Variants in CUX2 observed in about 807,000 individuals in gnomAD.
The protein encoded by CUX2 is homeobox protein cut-like 2.
In CUX2, 40 loss-of-function variants were observed where a neutral mutation model predicts 144.8. That is an observed-to-expected ratio of 0.28 (90% CI 0.21 to 0.36). The LOEUF (loss-of-function observed/expected upper bound fraction) is 0.36, where lower values mean the gene tolerates loss of function less well. CUX2 is among the 10% of genes least tolerant of loss of function. The pLI is 1.00. For missense variants in CUX2, 1,615 were observed against 1,994.0 expected, an observed-to-expected ratio of 0.81 and a Z score of 3.62; for synonymous variants, 827 against 875.6, an observed-to-expected ratio of 0.94 and a Z score of 0.98.
intron 1 of CUX2, among the ~76,000 whole-genome samples, chr12:111,145,247 C>T (rs1876592912): frequency 6.6e-6 from 1 of 152,214 alleles, no homozygotes; most frequent in African/African-American, 2.4e-5. Flanking sequence ...TCTGTCCAAA[C>T]CCCCTCTATC....
intron 1 of CUX2, among the ~76,000 whole-genome samples, chr12:111,047,601 G>A (rs1870060897): frequency 6.6e-6 from 1 of 152,116 alleles, no homozygotes; most frequent in African/African-American, 2.4e-5. Context: ...TGCAGCTGAG[G>A]CTACTGAGGC....
chr12:111,284,364 T>TA (rs1457479664), intron 4 of CUX2, among the ~76,000 whole-genome samples: 1 of 152,118 alleles, frequency 6.6e-6, no homozygotes, highest in Non-Finnish European at 1.5e-5. Context: ...CCTGGTCTAA[T>TA]AGTAAGAAGC....
chr12:111,306,815 C>G, intron 10 of CUX2, 106 bp from the exon 11 acceptor site: 1 of 882,914 alleles, frequency 1.1e-6, no homozygotes, highest in Non-Finnish European at 1.8e-6. Context: ...TACCATCATC[C>G]AGATCAACAA....
chr12:111,132,769 C>T (rs1425859554), intron 1 of CUX2, among the ~76,000 whole-genome samples: 3 of 151,856 alleles, frequency 2.0e-5, no homozygotes, highest in African/African-American at 7.3e-5. Context: ...GGTTTCACCA[C>T]ATTGGCTAGG....
At chr12:111,276,536 T>C (rs1884879587) in intron 4 of CUX2, among the ~76,000 whole-genome samples, 1 of 152,248 alleles carries the variant, frequency 6.6e-6, no homozygotes, top group African/African-American at 2.4e-5. Flanking sequence ...TCTTGCCTAG[T>C]GACCTTGAGC....
chr12:111,172,135 C>G (rs548829784), intron 1 of CUX2, among the ~76,000 whole-genome samples: 2 of 150,960 alleles, frequency 1.3e-5, no homozygotes, highest in South Asian at 4.2e-4. Context: ...GTGCATGTGC[C>G]TTTGTGTGTG....
At chr12:111,221,308 C>T (rs191401375) in intron 3 of CUX2, among the ~76,000 whole-genome samples, 59 of 152,250 alleles carry the variant, frequency 3.9e-4, no homozygotes, top group Admixed American at 9.8e-4. Context: ...AGGGGAGAGA[C>T]GCTGCCAAAG....
chr12:111,187,886 C>G (rs1219889309), intron 1 of CUX2, among the ~76,000 whole-genome samples: 1 of 152,224 alleles, frequency 6.6e-6, no homozygotes, highest in African/African-American at 2.4e-5. Flanking sequence ...AGAGCCAGGT[C>G]CAACAGAGCC....
At chr12:111,163,941 T>C (rs902058103) in intron 1 of CUX2, among the ~76,000 whole-genome samples, 4 of 152,164 alleles carry the variant, frequency 2.6e-5, no homozygotes, top group Non-Finnish European at 5.9e-5. Flanking sequence ...CTTTTCAAGG[T>C]TGTATAACCT....
chr12:111,281,769 G>C (rs889595786), intron 4 of CUX2, among the ~76,000 whole-genome samples: 1 of 152,204 alleles, frequency 6.6e-6, no homozygotes, highest in Admixed American at 6.5e-5. Flanking sequence ...TGAGAAGCAA[G>C]TGATTTGGGT....
chr12:111,228,647 C>T (rs1882303523), intron 3 of CUX2, among the ~76,000 whole-genome samples: 1 of 152,112 alleles, frequency 6.6e-6, no homozygotes, highest in Non-Finnish European at 1.5e-5. Context: ...TGGTCTCGAA[C>T]TCCTGACCTC....
chr12:111,338,342 C>T lies in CUX2; in HGVS notation c.3253C>T (p.Leu1085=). 1 of 1,614,060 alleles carries T rather than the reference C, an allele frequency of 6.2e-7. No individual in the cohort carries two copies. Among genetic ancestry groups the T allele is most frequent in the Non-Finnish European group, 8.5e-7 (1 of 1,179,990 alleles). ...LGLTQGSVSD[L]LSRPKPWHKL... ...TCTGACACAGGGCTCCGTGTCTGACCTGCTGTCCCGGCCCAAACCCTGGCA... is the reference window on the plus strand; with the variant it reads ...TCTGACACAGGGCTCCGTGTCTGACTTGCTGTCCCGGCCCAAACCCTGGCA... The change falls in exon 20 of 22, where the codon CTG becomes TTG. Residue 1085 remains leucine (L), a synonymous_variant. Transcript: ENST00000261726.
rs772267646 is a variant in CUX2, at chr12:111,307,284, A to G, written c.1109+27A>G. On this transcript the variant is annotated intron_variant, in intron 12 of 21. Coordinates refer to ENST00000261726, the MANE Select transcript of CUX2 (RefSeq NM_015267.4). This position sits in a 1 kb window ranked among gnomAD's most constrained non-coding sequence, Gnocchi z 4.1. ...TACCATGTGGGGTGGGGCTCCACAG[A>G]CCCTCAGTGCTCTTCCCTGGCCAGG... 1 of 1,602,208 alleles carries G rather than the reference A, an allele frequency of 6.2e-7. No individual in the cohort carries two copies. Among genetic ancestry groups the G allele is most frequent in the East Asian group, 2.2e-5 (1 of 44,808 alleles).
chr12:111,148,484 G>A (rs773673891), intron 1 of CUX2, among the ~76,000 whole-genome samples: 3 of 152,156 alleles, frequency 2.0e-5, no homozygotes, highest in Non-Finnish European at 4.4e-5. Flanking sequence ...TGTATTTAAT[G>A]CCACAGAACT....
intron 1 of CUX2, among the ~76,000 whole-genome samples, chr12:111,181,877 ATCTC>A (rs1177936868): frequency 1.3e-5 from 2 of 152,154 alleles, no homozygotes; most frequent in Non-Finnish European, 2.9e-5. Context: ...CAGTTATTAA[ATCTC>A]TCTCTTTGTT....
chr12:111,205,828 G>T (rs940484113), intron 1 of CUX2, among the ~76,000 whole-genome samples: 6 of 152,234 alleles, frequency 3.9e-5, no homozygotes, highest in African/African-American at 1.4e-4. Flanking sequence ...TTCCCAGACA[G>T]ACCGGGCTCT....
At chr12:111,270,917 C>T (rs988783851) in intron 4 of CUX2, among the ~76,000 whole-genome samples, 2 of 152,100 alleles carry the variant, frequency 1.3e-5, no homozygotes, top group Non-Finnish European at 2.9e-5. Flanking sequence ...GCTGTGTGAC[C>T]TTGGCCAGGG....
In CUX2 at chr12:111,348,431, A is replaced by G. The variant is rs1592996427; in HGVS notation, c.*106A>G. The G allele has an allele frequency of 9.5e-7, 1 of 1,050,726 alleles. No homozygotes were observed. The highest frequency in any genetic ancestry group is 2.4e-5 in the East Asian group (1 of 41,224). 65.1% of individuals were successfully genotyped at this position (1,050,726 alleles called of 1,614,324 possible). A position where few individuals can be genotyped will look rare whatever the true frequency, so the allele number is the denominator to read the frequency against. ...GGGAGGGAGGAACTCAACCATCAAA[A>G]TGTGGACAGCAATGTTATGCCGTTT... On this transcript the variant is annotated 3_prime_UTR_variant, in exon 22 of 22. Coordinates refer to ENST00000261726, the MANE Select transcript of CUX2 (RefSeq NM_015267.4).
chr12:111,265,321 T>G, intron 4 of CUX2, among the ~76,000 whole-genome samples: 1 of 122,008 alleles, frequency 8.2e-6, no homozygotes. Flanking sequence ...TTTATTTTAT[T>G]TTATTTTATT....
Sources: gnomAD v4.1 joint callset for allele counts (sites outside exome capture counted in the v4.1 genomes callset) on GRCh38, gnomAD v4.1.1 for gene constraint, Gnocchi (gnomAD v3.1) non-coding constraint, MANE v1.5 for transcripts, NCBI Gene and HGNC (gene_info 2026-07-23, HGNC 2026-07-21) for gene names.